Variants in GALNT13 observed in about 807,000 individuals in gnomAD.
The protein encoded by GALNT13 is UDP-GalNAc:polypeptide N-acetylgalactosaminyltransferase 13.
GALNT13 carries 28 observed loss-of-function variants against 64.2 expected under a neutral mutation model. That is an observed-to-expected ratio of 0.44 (90% CI 0.32 to 0.60). The LOEUF (loss-of-function observed/expected upper bound fraction) is 0.60. Among genes scored for constraint, GALNT13 ranks in the 20% least tolerant of loss-of-function variants. GALNT13 has a pLI of 0.05. For missense variants in GALNT13, 577 were observed against 669.8 expected (o/e 0.86, Z 1.53); for synonymous variants, 214 against 224.6 (o/e 0.95, Z 0.42).
the GALNT13 span, among the ~76,000 whole-genome samples, chr2:153,857,651 C>T: frequency 1.3e-5 from 2 of 152,284 alleles, no homozygotes; most frequent in South Asian, 4.1e-4. Flanking sequence ...GAATATTCTG[C>T]ACTTCCACAT....
At chr2:153,753,283 C>T in the GALNT13 span, among the ~76,000 whole-genome samples, 52 of 152,130 alleles carry the variant, frequency 3.4e-4, no homozygotes, top group East Asian at 2.3e-3. Flanking sequence ...CATGTTTTCC[C>T]GGATGGTCTT....
At chr2:153,902,336 G>A (rs1184521965) in intron 2 of GALNT13, among the ~76,000 whole-genome samples, 1 of 152,082 alleles carries the variant, frequency 6.6e-6, no homozygotes, top group Non-Finnish European at 1.5e-5. Context: ...GACAAAGCTA[G>A]TGATTTTGTT....
intron 9 of GALNT13, among the ~76,000 whole-genome samples, chr2:154,324,489 T>C (rs969140472): frequency 6.6e-6 from 1 of 152,094 alleles, no homozygotes; most frequent in Non-Finnish European, 1.5e-5. Flanking sequence ...TTCTTGTGAA[T>C]TAGTTGGCAA....
At chr2:153,882,653 C>G (rs935111922) in intron 1 of GALNT13, among the ~76,000 whole-genome samples, 36 of 150,398 alleles carry the variant, frequency 2.4e-4, no homozygotes, top group African/African-American at 8.3e-4. Flanking sequence ...TTTCTTGAGC[C>G]AGGGTCTCTT....
the GALNT13 span, among the ~76,000 whole-genome samples, chr2:153,197,912 A>AG: frequency 6.6e-6 from 1 of 152,130 alleles, no homozygotes; most frequent in Non-Finnish European, 1.5e-5. Flanking sequence ...AGCCCCAGGC[A>AG]GGGGGGTTTC....
intron 8 of GALNT13, among the ~76,000 whole-genome samples, chr2:154,281,425 AGTAATGACAT>A (rs1574010472): frequency 6.6e-6 from 1 of 152,188 alleles, no homozygotes; most frequent in East Asian, 1.9e-4. Flanking sequence ...TAAGATGTGG[AGTAATGACAT>A]GTAACAATTT....
intron 3 of GALNT13, among the ~76,000 whole-genome samples, chr2:153,952,817 A>T (rs1158410265): frequency 6.6e-6 from 1 of 152,170 alleles, no homozygotes; most frequent in African/African-American, 2.4e-5. Context: ...TCTGTGGTTG[A>T]AGTTACAACA....
chr2:153,654,089 A>G, the GALNT13 span, among the ~76,000 whole-genome samples: 1 of 152,100 alleles, frequency 6.6e-6, no homozygotes, highest in African/African-American at 2.4e-5. Flanking sequence ...CATGTAAAGT[A>G]GTGTAATCAA....
intron 3 of GALNT13, among the ~76,000 whole-genome samples, chr2:153,975,740 G>A (rs1401954259): frequency 6.6e-6 from 1 of 152,104 alleles, no homozygotes; most frequent in Non-Finnish European, 1.5e-5. Flanking sequence ...GTGGGGAGAT[G>A]ATGTATAGCT....
chr2:154,246,538 A>C (rs1406777658), intron 7 of GALNT13, among the ~76,000 whole-genome samples: 3 of 152,106 alleles, frequency 2.0e-5, no homozygotes, highest in Non-Finnish European at 4.4e-5. Context: ...TACTTGTAAT[A>C]AAAAATATCA....
chr2:153,227,419 T>A, the GALNT13 span, among the ~76,000 whole-genome samples: 1 of 152,042 alleles, frequency 6.6e-6, no homozygotes, highest in Admixed American at 6.6e-5. Context: ...GGAGTGGAGA[T>A]GAAGACCATT....
At chr2:154,044,889 G>A (rs937070476) in intron 3 of GALNT13, among the ~76,000 whole-genome samples, 1 of 152,110 alleles carries the variant, frequency 6.6e-6, no homozygotes, top group Non-Finnish European at 1.5e-5. Flanking sequence ...ATATCTAGAG[G>A]GTAGATAGTC....
intron 4 of GALNT13, among the ~76,000 whole-genome samples, chr2:154,144,480 T>C (rs2105593013): frequency 6.6e-6 from 1 of 152,312 alleles, no homozygotes; most frequent in East Asian, 1.9e-4. Flanking sequence ...AAGAATAGGA[T>C]TCTAAAATAA....
the GALNT13 span, among the ~76,000 whole-genome samples, chr2:153,826,839 G>A: frequency 9.2e-5 from 14 of 152,106 alleles, no homozygotes; most frequent in Non-Finnish European, 1.8e-4. Flanking sequence ...TGGGGATACA[G>A]AAGAGTGCCA....
the GALNT13 span, among the ~76,000 whole-genome samples, chr2:153,302,746 T>C: frequency 6.6e-6 from 1 of 152,140 alleles, no homozygotes; most frequent in Non-Finnish European, 1.5e-5. Flanking sequence ...GTTATGAGAT[T>C]ATTCTTCTGT....
chr2:153,351,136 G>A, the GALNT13 span, among the ~76,000 whole-genome samples: 1 of 152,074 alleles, frequency 6.6e-6, no homozygotes, highest in Admixed American at 6.6e-5. Flanking sequence ...AAAACATTCT[G>A]AATAAATTTA....
chr2:153,237,637 T>C, the GALNT13 span, among the ~76,000 whole-genome samples: 2 of 152,058 alleles, frequency 1.3e-5, no homozygotes, highest in Non-Finnish European at 2.9e-5. Context: ...CTTCCATCCA[T>C]GTTGTTGCAA....
At chr2:153,162,920 T>C in the GALNT13 span, among the ~76,000 whole-genome samples, 1,188 of 152,240 alleles carry the variant, frequency 7.8e-3, 12 homozygotes, top group African/African-American at 0.026. Context: ...TTAGAGCCAA[T>C]GAATCAATTA....
the GALNT13 span, among the ~76,000 whole-genome samples, chr2:153,848,523 T>G: frequency 1.3e-5 from 2 of 151,988 alleles, no homozygotes; most frequent in Non-Finnish European, 2.9e-5. Flanking sequence ...AAGCACAAAA[T>G]AGAGAAAACC....
Sources: gnomAD v4.1 joint callset for allele counts (sites outside exome capture counted in the v4.1 genomes callset) on GRCh38, gnomAD v4.1.1 for gene constraint, MANE v1.5 for transcripts, NCBI Gene and HGNC (gene_info 2026-07-23, HGNC 2026-07-21) for gene names.